DLG2: variants seen among roughly 807,000 people sequenced by gnomAD.
DLG2 encodes the protein disks large homolog 2.
DLG2 carries 45 observed loss-of-function variants against 132.5 expected under a neutral mutation model. That is an observed-to-expected ratio of 0.34 (90% confidence interval 0.27 to 0.44). The LOEUF is 0.44. Among genes scored for constraint, DLG2 ranks in the 20% least tolerant of loss-of-function variants. DLG2 has a pLI of 1.00. For missense variants in DLG2, 1,045 were observed against 1,196.9 expected (o/e 0.87, Z 1.87); for synonymous variants, 424 against 419.6 (o/e 1.01, Z -0.13).
At chr11:84,155,802 A>T (rs1052272007) in intron 9 of DLG2, among the ~76,000 whole-genome samples, 1 of 152,158 alleles carries the variant, frequency 6.6e-6, no homozygotes, top group Non-Finnish European at 1.5e-5. Flanking sequence ...CAAGGGAGAA[A>T]TGAGGCTGGC....
intron 17 of DLG2, 129 bp from the exon 18 acceptor site, chr11:83,786,921 T>A: frequency 1.5e-6 from 1 of 659,934 alleles, no homozygotes; most frequent in Non-Finnish European, 2.6e-6. Flanking sequence ...CATATCCTAC[T>A]CAGGTGTTTG....
At chr11:84,722,472 T>C (rs1254640970) in intron 6 of DLG2, among the ~76,000 whole-genome samples, 1 of 152,148 alleles carries the variant, frequency 6.6e-6, no homozygotes, top group Non-Finnish European at 1.5e-5. Flanking sequence ...TAACATGCCT[T>C]TGCCCCACCC....
chr11:84,724,502 T>C (rs140535134), intron 6 of DLG2, among the ~76,000 whole-genome samples: 24 of 152,284 alleles, frequency 1.6e-4, no homozygotes, highest in Middle Eastern at 3.4e-3. Context: ...GCTAGTAGCT[T>C]TGAATCAGTC....
chr11:85,148,964 T>A (rs537493032), intron 5 of DLG2, among the ~76,000 whole-genome samples: 27 of 152,376 alleles, frequency 1.8e-4, no homozygotes, highest in Middle Eastern at 3.4e-3. Flanking sequence ...GTTTTCTGCC[T>A]ATAGCTAGCC....
In DLG2 at chr11:84,380,856, T is replaced by C. The variant is rs2098746797; in HGVS notation, c.520-129565A>G. On this transcript the variant is annotated intron_variant, in intron 7 of 27. Transcript: ENST00000376104. ...AAAGAAGAGTACCAGGAACATCATT[T>C]TGCATAATTCCAAGAGCTACATTTC... Among the ~76,000 whole-genome samples the C allele has an allele frequency of 2.6e-5, 4 of 152,140 alleles. No individual in the cohort carries two copies. The South Asian group carries it at 8.3e-4, about 31-fold the overall frequency.
At chr11:84,865,338 T>G (rs967751814) in intron 6 of DLG2, among the ~76,000 whole-genome samples, 2 of 152,190 alleles carry the variant, frequency 1.3e-5, no homozygotes, top group South Asian at 4.1e-4. Context: ...CTGTTGTAGG[T>G]TATGCATTGA....
intron 7 of DLG2, among the ~76,000 whole-genome samples, chr11:84,513,609 G>A (rs1378061113): frequency 6.6e-6 from 1 of 152,076 alleles, no homozygotes; most frequent in Non-Finnish European, 1.5e-5. Flanking sequence ...CAATAAAGGT[G>A]TTGGGAAAAC....
intron 18 of DLG2, among the ~76,000 whole-genome samples, chr11:83,674,773 G>C (rs1441796164): frequency 1.3e-5 from 2 of 152,152 alleles, no homozygotes; most frequent in African/African-American, 4.8e-5. Flanking sequence ...CCTGGATGCA[G>C]GTTTTATGAA....
chr11:85,550,816 A>G (rs574646018), intron 3 of DLG2, among the ~76,000 whole-genome samples: 1 of 152,336 alleles, frequency 6.6e-6, no homozygotes, highest in South Asian at 2.1e-4. Context: ...AATTACTAAG[A>G]ATACTTTTTC....
chr11:83,548,732 C>T (rs572097871), intron 19 of DLG2, among the ~76,000 whole-genome samples: 1 of 152,196 alleles, frequency 6.6e-6, no homozygotes, highest in African/African-American at 2.4e-5. Context: ...AATTCTAATT[C>T]TCACAAAAAC....
intron 6 of DLG2, among the ~76,000 whole-genome samples, chr11:84,729,493 T>C (rs1231678111): frequency 6.6e-6 from 1 of 152,146 alleles, no homozygotes; most frequent in Admixed American, 6.5e-5. Context: ...GTGTTTTACT[T>C]CCAATTATGT....
At chr11:84,795,322 T>A (rs1406562876) in intron 6 of DLG2, among the ~76,000 whole-genome samples, 2 of 152,010 alleles carry the variant, frequency 1.3e-5, no homozygotes, top group Non-Finnish European at 2.9e-5. Flanking sequence ...GCTGAACAGA[T>A]GCCAGGACAA....
At chr11:84,765,436 T>A (rs2068270929) in intron 6 of DLG2, among the ~76,000 whole-genome samples, 1 of 152,046 alleles carries the variant, frequency 6.6e-6, no homozygotes, top group Non-Finnish European at 1.5e-5. Context: ...CTCCCAGAAT[T>A]CTTCACAAGA....
chr11:83,742,303 CTA>C (rs2092584284), intron 18 of DLG2, among the ~76,000 whole-genome samples: 1 of 150,464 alleles, frequency 6.6e-6, no homozygotes, highest in Admixed American at 6.6e-5. Flanking sequence ...AATATCATAA[CTA>C]TGTATATGAA....
chr11:85,211,779 C>T (rs774861231), intron 4 of DLG2, among the ~76,000 whole-genome samples: 1 of 152,094 alleles, frequency 6.6e-6, no homozygotes, highest in Admixed American at 6.6e-5. Flanking sequence ...TATGTTGAAG[C>T]ACTCTGTGCT....
At chr11:84,875,580 T>C (rs2086217215) in intron 6 of DLG2, among the ~76,000 whole-genome samples, 2 of 152,178 alleles carry the variant, frequency 1.3e-5, no homozygotes, top group Admixed American at 1.3e-4. Context: ...AACAATCCTA[T>C]GTTACCTCAC....
At chr11:85,491,669 A>C (rs2093563220) in intron 3 of DLG2, among the ~76,000 whole-genome samples, 1 of 152,116 alleles carries the variant, frequency 6.6e-6, no homozygotes, top group Admixed American at 6.6e-5. Flanking sequence ...AAAAAATAAA[A>C]TACTTAGAAA....
At chr11:84,981,368 C>A (rs947064016) in intron 6 of DLG2, among the ~76,000 whole-genome samples, 1 of 152,076 alleles carries the variant, frequency 6.6e-6, no homozygotes, top group African/African-American at 2.4e-5. Context: ...GGGTCGTGAC[C>A]GTAGGCCAAA....
chr11:84,241,880 T>A (rs2097231937), intron 8 of DLG2, among the ~76,000 whole-genome samples: 1 of 152,210 alleles, frequency 6.6e-6, no homozygotes, highest in Non-Finnish European at 1.5e-5. Flanking sequence ...AGATTCTGAT[T>A]CTATAGCTTT....
Sources: gnomAD v4.1 joint callset for allele counts (sites outside exome capture counted in the v4.1 genomes callset) on GRCh38, gnomAD v4.1.1 for gene constraint, MANE v1.5 for transcripts, NCBI Gene and HGNC (gene_info 2026-07-23, HGNC 2026-07-21) for gene names.